SCMH1: variants seen among roughly 807,000 people sequenced by gnomAD.
SCMH1 encodes the protein Scm polycomb group protein homolog 1, also known as polycomb protein SCMH1.
A neutral mutation model predicts 70.8 loss-of-function variants in SCMH1; 37 were observed. That is an observed-to-expected ratio of 0.52 (90% CI 0.40 to 0.69). The LOEUF is 0.69. SCMH1 is among the 30% of genes least tolerant of loss of function. The pLI is 0.00. For synonymous variants in SCMH1, 292 were observed against 307.4 expected (o/e 0.95, Z 0.52); for missense variants, 607 against 827.3 (o/e 0.73, Z 3.27).
chr1:41,124,518 T>TTA (rs10628913), intron 6 of SCMH1, among the ~76,000 whole-genome samples: 116,198 of 151,936 alleles, frequency 0.76, 45,252 homozygotes, highest in African/African-American at 0.92. Flanking sequence ...AGAGTCTGGA[T>TTA]TGTTTTACAG....
In SCMH1 at chr1:41,206,182, T is replaced by A. The variant is rs189148809; in HGVS notation, c.-117-19932A>T. Among the ~76,000 whole-genome samples, 178 of 152,226 alleles carry A rather than the reference T, an allele frequency of 1.2e-3. 2 individuals are homozygous for A. Among genetic ancestry groups the A allele is most frequent in the Middle Eastern group, 6.8e-3 (2 of 294 alleles). On this transcript the variant is annotated intron_variant, in intron 1 of 14. Coordinates refer to ENST00000337495, the Ensembl canonical transcript of SCMH1. The stretch of plus-strand genomic sequence containing the variant: ...TCACCAGCAACAGAATAAAGCTGGA[T>A]GGAGAATGACTTTGACAAGTTGACA...
At chr1:41,143,221 TTCCC>T in intron 5 of SCMH1, 109 bp from the exon 6 acceptor site, 5 of 719,422 alleles carry the variant, frequency 7.0e-6, no homozygotes, top group Non-Finnish European at 1.2e-5. Flanking sequence ...AACTGAATTA[TTCCC>T]TAATAATTAA....
chr1:41,047,798 A>G (rs1033351863), intron 11 of SCMH1, among the ~76,000 whole-genome samples: 1 of 151,904 alleles, frequency 6.6e-6, no homozygotes, highest in Non-Finnish European at 1.5e-5. Flanking sequence ...CTCTGTATAC[A>G]TTTCCCTATT....
intron 6 of SCMH1, among the ~76,000 whole-genome samples, chr1:41,141,816 AAG>A (rs1331193079): frequency 2.0e-5 from 3 of 149,866 alleles, no homozygotes; most frequent in African/African-American, 7.2e-5. Flanking sequence ...CTGATTAAAA[AAG>A]AGAGAGACAG....
At chr1:41,071,113 A>T (rs1214893814) in intron 9 of SCMH1, among the ~76,000 whole-genome samples, 1 of 152,170 alleles carries the variant, frequency 6.6e-6, no homozygotes, top group Non-Finnish European at 1.5e-5. Context: ...ACAAAAAAAA[A>T]TAGAAATGAC....
chr1:41,239,879 C>T (rs1172927707), intron 1 of SCMH1, among the ~76,000 whole-genome samples: 1 of 152,204 alleles, frequency 6.6e-6, no homozygotes, highest in South Asian at 2.1e-4. Context: ...CAAAGAGTTG[C>T]CTGCCTCAGC....
intron 8 of SCMH1, among the ~76,000 whole-genome samples, chr1:41,090,101 CT>C (rs1662973198): frequency 6.6e-6 from 1 of 151,930 alleles, no homozygotes; most frequent in Non-Finnish European, 1.5e-5. Context: ...CAATATTGTC[CT>C]TTTTGCTAGT....
chr1:41,136,006 C>T (rs138899143), intron 6 of SCMH1, among the ~76,000 whole-genome samples: 1 of 150,718 alleles, frequency 6.6e-6, no homozygotes, highest in Non-Finnish European at 1.5e-5. Flanking sequence ...TGTAGTGGTA[C>T]AATCTCAACT....
intron 13 of SCMH1, among the ~76,000 whole-genome samples, chr1:41,033,563 C>T (rs983838825): frequency 3.9e-5 from 6 of 152,150 alleles, no homozygotes; most frequent in African/African-American, 9.7e-5. Flanking sequence ...CTCTCCCCAT[C>T]GCCCCTCAAT....
chr1:41,048,707 C>T, exon 11 of SCMH1: 2 of 1,614,102 alleles, frequency 1.2e-6, no homozygotes, highest in Non-Finnish European at 1.7e-6. Flanking sequence ...AACCTCACCA[C>T]CATGGCCTTG....
chr1:41,082,056 A>T (rs910349087), intron 8 of SCMH1, among the ~76,000 whole-genome samples: 1 of 152,192 alleles, frequency 6.6e-6, no homozygotes. Flanking sequence ...ACAAAAATTA[A>T]TGTGAAGGCT....
chr1:41,029,140 T>C (rs1347104523), intron 13 of SCMH1, among the ~76,000 whole-genome samples: 1 of 152,094 alleles, frequency 6.6e-6, no homozygotes, highest in African/African-American at 2.4e-5. Context: ...GGGCAAAAAA[T>C]ACCCTGGATT....
At chr1:41,222,941 G>GTA (rs1445997962) in intron 1 of SCMH1, among the ~76,000 whole-genome samples, 2 of 152,136 alleles carry the variant, frequency 1.3e-5, no homozygotes, top group Non-Finnish European at 2.9e-5. Context: ...TTCATGAAGT[G>GTA]TATACATTTA....
chr1:41,074,099 T>C (rs1024910688), intron 9 of SCMH1, among the ~76,000 whole-genome samples: 2 of 149,486 alleles, frequency 1.3e-5, no homozygotes, highest in African/African-American at 5.0e-5. Context: ...TTTATATCAA[T>C]GCCTTCCTTA....
At chr1:41,061,381 T>C (rs1185923917) in intron 10 of SCMH1, among the ~76,000 whole-genome samples, 1 of 151,976 alleles carries the variant, frequency 6.6e-6, no homozygotes, top group Admixed American at 6.6e-5. Context: ...AGTAAATGAG[T>C]AAAGAAAGAT....
intron 6 of SCMH1, among the ~76,000 whole-genome samples, chr1:41,135,675 C>T (rs1171606998): frequency 6.6e-6 from 1 of 152,174 alleles, no homozygotes; most frequent in Non-Finnish European, 1.5e-5. Context: ...TTTTAAGTTA[C>T]AATTAAATAC....
intron 6 of SCMH1, among the ~76,000 whole-genome samples, chr1:41,124,649 C>T (rs1672748134): frequency 6.6e-6 from 1 of 151,704 alleles, no homozygotes; most frequent in Non-Finnish European, 1.5e-5. Context: ...TCTCTGTTGC[C>T]CAGGCTGGTG....
At chr1:41,062,386 T>G (rs532826059) in intron 10 of SCMH1, among the ~76,000 whole-genome samples, 1 of 151,470 alleles carries the variant, frequency 6.6e-6, no homozygotes, top group South Asian at 2.1e-4. Context: ...GGTGGATCAC[T>G]TGAGGTAAGG....
intron 1 of SCMH1, among the ~76,000 whole-genome samples, chr1:41,225,696 T>A (rs1173316006): frequency 2.0e-5 from 3 of 152,036 alleles, no homozygotes; most frequent in African/African-American, 7.2e-5. Context: ...CAAAGGAAAG[T>A]GGAAAAGTAA....
Sources: gnomAD v4.1 joint callset for allele counts (sites outside exome capture counted in the v4.1 genomes callset) on GRCh38, gnomAD v4.1.1 for gene constraint, MANE v1.5 for transcripts, NCBI Gene and HGNC (gene_info 2026-07-23, HGNC 2026-07-21) for gene names.